WDPCP: variants seen among roughly 807,000 people sequenced by gnomAD.
WDPCP encodes WD repeat containing planar cell polarity effector, also known as WD repeat-containing and planar cell polarity effector protein fritz homolog.
WDPCP carries 71 observed loss-of-function variants against 93.1 expected under a neutral mutation model. The ratio of observed to expected loss-of-function variants is 0.76; its 90% CI spans 0.63 to 0.93. The LOEUF (loss-of-function observed/expected upper bound fraction) is 0.93. WDPCP is among the 40% of genes least tolerant of loss of function. The pLI, the probability that WDPCP is intolerant of heterozygous loss-of-function variation, is 0.00. For missense variants in WDPCP, 844 were observed against 887.4 expected (o/e 0.95, Z 0.62); for synonymous variants, 315 against 315.0 (o/e 1.00, Z 0.00).
intron 1 of WDPCP, among the ~76,000 whole-genome samples, chr2:63,528,023 G>C (rs1374297798): frequency 2.6e-5 from 4 of 151,958 alleles, no homozygotes; most frequent in African/African-American, 9.7e-5. Context: ...GTCTTCTTTT[G>C]AGAAGTGTCT....
At chr2:63,388,758 G>C (rs1692959415) in intron 10 of WDPCP, among the ~76,000 whole-genome samples, 1 of 152,186 alleles carries the variant, frequency 6.6e-6, no homozygotes, top group African/African-American at 2.4e-5. Flanking sequence ...GCATGCACAA[G>C]CTTCAATAGC....
At chr2:63,696,313 T>G (rs76301028) in intron 2 of WDPCP, among the ~76,000 whole-genome samples, 1 of 145,628 alleles carries the variant, frequency 6.9e-6, no homozygotes, top group Admixed American at 6.9e-5. Flanking sequence ...CCCCAGCAAG[T>G]TTCTTCTTGG....
At chr2:63,622,677 G>T (rs1177401891) in intron 3 of WDPCP, 6 of 1,613,782 alleles carry the variant, frequency 3.7e-6, no homozygotes, top group Admixed American at 1.7e-5. Context: ...GAGTCGCCGG[G>T]ACAGCAGTTT....
intron 15 of WDPCP, among the ~76,000 whole-genome samples, chr2:63,155,069 T>C (rs190376204): frequency 1.3e-5 from 2 of 152,308 alleles, no homozygotes; most frequent in Admixed American, 1.3e-4. Context: ...GACTTGCAAA[T>C]ATTTGCTCCC....
At chr2:63,636,469 G>A (rs556609704) in intron 3 of WDPCP, among the ~76,000 whole-genome samples, 20 of 151,932 alleles carry the variant, frequency 1.3e-4, no homozygotes, top group African/African-American at 2.7e-4. Context: ...TCACTCTGTC[G>A]CCCAGACTGG....
At chr2:63,512,105 GA>G (rs1702273258) in intron 1 of WDPCP, among the ~76,000 whole-genome samples, 1 of 152,104 alleles carries the variant, frequency 6.6e-6, no homozygotes, top group Admixed American at 6.6e-5. Context: ...CTTTTCAAAA[GA>G]AGACATTTAT....
At position 63,404,472 on chromosome 2, in the gene WDPCP, C is replaced by T; in HGVS notation, c.1011G>A (p.Lys337=). The T allele has an allele frequency of 6.2e-7, 1 of 1,614,146 alleles. No homozygotes were observed. The highest frequency in any genetic ancestry group is 8.5e-7 in the Non-Finnish European group (1 of 1,180,018). ...QCVSVTRIPL[K]SKAISCCRNV... is the part of the protein sequence containing the mutation. ...TCCTGCAGCAGCTGATGGCCTTTGA[C>T]TTTAGTGGTATTCTGGTGACTGACA... Residue 337 remains lysine, a synonymous_variant, in exon 10 of 18, where the codon AAG becomes AAA. Coordinates refer to ENST00000272321, the MANE Select transcript of WDPCP (RefSeq NM_015910.7).
chr2:63,332,531 T>G (rs1158241362), intron 12 of WDPCP, among the ~76,000 whole-genome samples: 1 of 152,192 alleles, frequency 6.6e-6, no homozygotes, highest in Non-Finnish European at 1.5e-5. Context: ...ATCCATATTT[T>G]TTCTTTGGTA....
chr2:63,660,564 A>G (rs1710215145), intron 2 of WDPCP, among the ~76,000 whole-genome samples: 2 of 152,132 alleles, frequency 1.3e-5, no homozygotes, highest in Non-Finnish European at 2.9e-5. Context: ...TTGTTATTCT[A>G]TTACCTCAAA....
chr2:63,492,760 C>T lies in WDPCP; in HGVS notation c.160+96G>A, dbSNP rs981105432. 1.3e-5 allele frequency: 15 copies of T among 1,119,554 alleles called. No homozygotes were observed. In the Admixed American group the frequency reaches 2.9e-4, roughly 22 times the overall value. The allele number at this position is 1,119,554 out of a possible 1,614,324, so 69.4% of individuals were successfully genotyped here. A position where few individuals can be genotyped will look rare whatever the true frequency, so the allele number is the denominator to read the frequency against. On this transcript the variant is annotated intron_variant, in intron 2 of 17. Transcript: ENST00000272321. ...TTAAGAATAAAGAAAGAATGCAACT[C>T]CAGCTGGAGAATTCAGGCTCTAACC...
chr2:63,522,457 C>CAGACAG (rs949907477), intron 1 of WDPCP, among the ~76,000 whole-genome samples: 5 of 131,746 alleles, frequency 3.8e-5, no homozygotes, highest in African/African-American at 1.1e-4. Context: ...GACAGACAGA[C>CAGACAG]ACACACACAC....
intron 15 of WDPCP, among the ~76,000 whole-genome samples, chr2:63,171,482 A>G (rs1350071058): frequency 1.3e-5 from 2 of 152,212 alleles, no homozygotes; most frequent in African/African-American, 4.8e-5. Flanking sequence ...ACAATTAGAT[A>G]CCATTCTTCA....
intron 14 of WDPCP, among the ~76,000 whole-genome samples, chr2:63,187,173 A>G (rs1324631912): frequency 1.3e-5 from 2 of 152,210 alleles, no homozygotes; most frequent in African/African-American, 4.8e-5. Flanking sequence ...TCATATTAGT[A>G]TAGATATCCC....
At chr2:63,396,910 G>A (rs929853742) in intron 10 of WDPCP, among the ~76,000 whole-genome samples, 6 of 152,168 alleles carry the variant, frequency 3.9e-5, no homozygotes, top group Non-Finnish European at 7.3e-5. Context: ...GTAAGAACAT[G>A]TGGTATTTGG....
At chr2:63,268,474 T>C (rs1247767006) in intron 13 of WDPCP, among the ~76,000 whole-genome samples, 1 of 152,128 alleles carries the variant, frequency 6.6e-6, no homozygotes, top group Admixed American at 6.6e-5. Context: ...TATCTTTTTA[T>C]TTTATTTTGT....
intron 9 of WDPCP, among the ~76,000 whole-genome samples, chr2:63,405,358 G>A (rs957079281): frequency 1.3e-5 from 2 of 152,020 alleles, no homozygotes; most frequent in African/African-American, 2.4e-5. Flanking sequence ...ATATATAGTC[G>A]GTCCTTGAAC....
Position 63,729,366 on chromosome 2 carries a change from G to A in WDPCP, n.309-78528C>T, listed in dbSNP as rs775379526. On this transcript the variant is annotated intron_variant and non_coding_transcript_variant, in intron 2 of 4. Coordinates refer to the WDPCP transcript ENST00000467687. Reference sequence around the variant, plus strand: ...AAATATATTTTAATTCCTAAGAAGTGGAGTTGTTCTGTGGAAAGGAGTTTT... The same window carrying A: ...AAATATATTTTAATTCCTAAGAAGTAGAGTTGTTCTGTGGAAAGGAGTTTT... Among the ~76,000 whole-genome samples the A allele has an allele frequency of 1.5e-3, 225 of 152,286 alleles. 1 individual carries two copies. Among genetic ancestry groups the A allele is most frequent in the Non-Finnish European group, 2.7e-3 (187 of 68,008 alleles).
At chr2:63,809,865 C>T (rs1478603111) in intron 2 of WDPCP, among the ~76,000 whole-genome samples, 3 of 151,620 alleles carry the variant, frequency 2.0e-5, no homozygotes, top group Non-Finnish European at 1.5e-5. Context: ...GTCGTATGAC[C>T]CTGCCAAATC....
chr2:63,167,287 T>C (rs923855176), intron 15 of WDPCP, among the ~76,000 whole-genome samples: 3 of 152,214 alleles, frequency 2.0e-5, no homozygotes, highest in Non-Finnish European at 4.4e-5. Context: ...CATTAATTTC[T>C]GGTTTTATCT....
Sources: allele counts gnomAD v4.1 joint callset (sites outside exome capture counted in the v4.1 genomes callset), GRCh38; gene constraint gnomAD v4.1.1; transcripts MANE v1.5; gene names NCBI Gene and HGNC (gene_info 2026-07-23, HGNC 2026-07-21).